EDARADD: variants seen among roughly 807,000 people sequenced by gnomAD.
EDARADD encodes ectodysplasin-A receptor-associated adapter protein.
EDARADD carries 20 observed loss-of-function variants against 25.6 expected under a neutral mutation model. The observed-to-expected ratio is 0.78, with a 90% CI of 0.55 to 1.14. The LOEUF (loss-of-function observed/expected upper bound fraction) is 1.14, where lower values mean the gene tolerates loss of function less well. EDARADD is among the 50% of genes most tolerant of loss of function. The pLI, the probability that EDARADD is intolerant of heterozygous loss-of-function variation, is 0.00. For synonymous variants in EDARADD, 86 were observed against 94.4 expected, an observed-to-expected ratio of 0.91 and a Z score of 0.52; for missense variants, 225 against 270.1, an observed-to-expected ratio of 0.83 and a Z score of 1.17.
chr1:236,368,440 CTT>C (rs59201705), intron 3 of EDARADD, among the ~76,000 whole-genome samples: 7 of 124,174 alleles, frequency 5.6e-5, no homozygotes, highest in Admixed American at 1.8e-4. Context: ...CCAGTCTTTT[CTT>C]TTTTTTTTTT....
In EDARADD at chr1:236,395,444, G is replaced by C. The variant is rs1667496973; in HGVS notation, c.61+939G>C. 1 of 1,473,508 alleles carries C rather than the reference G, an allele frequency of 6.8e-7. No homozygotes were observed. Among genetic ancestry groups the C allele is most frequent in the Non-Finnish European group, 9.0e-7 (1 of 1,114,534 alleles). 91.3% of individuals were successfully genotyped at this position (1,473,508 alleles called of 1,614,324 possible). A position where few individuals can be genotyped will look rare whatever the true frequency, so the allele number is the denominator to read the frequency against. On this transcript the variant is annotated intron_variant, in intron 1 of 5. Transcript: ENST00000334232. This position sits in a 1 kb window ranked among gnomAD's most constrained non-coding sequence, Gnocchi z 6.9. The stretch of plus-strand genomic sequence containing the variant: ...TGCCAAAGCAGGAAGTGAGCTCGTG[G>C]AAGAAGCGAAGGAGGAGAAGAAGAA...
At chr1:236,466,187 G>A (rs1659180793) in intron 4 of EDARADD, among the ~76,000 whole-genome samples, 1 of 152,300 alleles carries the variant, frequency 6.6e-6, no homozygotes, top group African/African-American at 2.4e-5. Flanking sequence ...CGGTGACTGT[G>A]TTGGTAAAAG....
intron 3 of EDARADD, among the ~76,000 whole-genome samples, chr1:236,370,506 C>G (rs1667162302): frequency 6.6e-6 from 1 of 152,158 alleles, no homozygotes; most frequent in South Asian, 2.1e-4. Context: ...TGTTATTACT[C>G]AAATCAGTCT....
intron 3 of EDARADD, among the ~76,000 whole-genome samples, chr1:236,377,814 TGC>T (rs1047345473): frequency 7.9e-5 from 12 of 151,620 alleles, no homozygotes; most frequent in African/African-American, 2.9e-4. Context: ...GCCAAGATCG[TGC>T]CACTGCACTC....
intron 3 of EDARADD, among the ~76,000 whole-genome samples, chr1:236,374,580 T>C (rs1463656602): frequency 1.3e-5 from 2 of 152,186 alleles, no homozygotes; most frequent in African/African-American, 4.8e-5. Flanking sequence ...TGCATTTTGA[T>C]GCTTTGTTGT....
At chr1:236,409,576 T>G (rs2103008204) in intron 2 of EDARADD, among the ~76,000 whole-genome samples, 1 of 152,212 alleles carries the variant, frequency 6.6e-6, no homozygotes, top group South Asian at 2.1e-4. Flanking sequence ...TTTTTATTTT[T>G]TTTTAGACGG....
Position 236,468,221 on chromosome 1 carries a change from T to C in EDARADD, c.220-10T>C. ...TATGATTTTAATGAAGGTTGCTTTT[T>C]GGTTTTTAGGGAGAAGAAAATGGCT... On this transcript the variant is annotated splice_polypyrimidine_tract_variant and intron_variant, in intron 4 of 5. Coordinates refer to ENST00000334232, the MANE Select transcript of EDARADD (RefSeq NM_145861.4). 1 of 1,613,698 alleles carries C rather than the reference T, an allele frequency of 6.2e-7. No individual in the cohort carries two copies. The highest frequency in any genetic ancestry group is 8.5e-7 in the Non-Finnish European group (1 of 1,179,564).
intron 1 of EDARADD, among the ~76,000 whole-genome samples, chr1:236,405,878 T>TTCC (rs1558112846): frequency 4.5e-3 from 133 of 29,810 alleles, no homozygotes; most frequent in Non-Finnish European, 5.4e-3. Flanking sequence ...TCCTTCCTTC[T>TTCC]TTCTTTCTTT....
chr1:236,447,233 C>CTTTCTTTCTTTTCTTTCTTTCTTT (rs59368020), intron 4 of EDARADD, among the ~76,000 whole-genome samples: 7 of 104,700 alleles, frequency 6.7e-5, no homozygotes, highest in African/African-American at 2.5e-4. Flanking sequence ...TCCTTTCTTT[C>CTTTCTTTCTTTTCTTTCTTTCTTT]CTTTCTTTCC....
intron 1 of EDARADD, among the ~76,000 whole-genome samples, chr1:236,407,719 G>T (rs1464130540): frequency 6.6e-6 from 1 of 152,114 alleles, no homozygotes; most frequent in Non-Finnish European, 1.5e-5. Context: ...AGGATCCCAC[G>T]CAAAAAGATT....
chr1:236,404,563 G>A (rs1299948882), intron 1 of EDARADD, among the ~76,000 whole-genome samples: 4 of 152,144 alleles, frequency 2.6e-5, no homozygotes, highest in Admixed American at 6.5e-5. Context: ...AGTCAGAACC[G>A]CAATCAGAAA....
At chr1:236,409,106 G>T in intron 1 of EDARADD, 110 bp from the exon 2 acceptor site, 2 of 574,956 alleles carry the variant, frequency 3.5e-6, no homozygotes, top group African/African-American at 2.0e-5. Context: ...GTTTTCTTCA[G>T]CCTAAGTAAA....
At chr1:236,411,517 T>C (rs1657480913) in intron 2 of EDARADD, among the ~76,000 whole-genome samples, 1 of 150,910 alleles carries the variant, frequency 6.6e-6, no homozygotes, top group Non-Finnish European at 1.5e-5. Flanking sequence ...CCTCTCCTTC[T>C]TCTTTCTTCT....
At chr1:236,428,492 G>T (rs36150994) in intron 4 of EDARADD, among the ~76,000 whole-genome samples, 67,904 of 151,492 alleles carry the variant, frequency 0.45, 17,514 homozygotes, top group Non-Finnish European at 0.59. Flanking sequence ...TGGGTACACC[G>T]CCCAGACGGG....
At chr1:236,415,790 TG>T (rs1380209893) in intron 3 of EDARADD, among the ~76,000 whole-genome samples, 3 of 151,602 alleles carry the variant, frequency 2.0e-5, no homozygotes, top group African/African-American at 7.3e-5. Context: ...GTTGTCACAG[TG>T]GGGCCTCTAC....
At chr1:236,443,043 GGCTTCCTAAGAAGAAGTTACCATATTA>G (rs1658443828) in intron 4 of EDARADD, among the ~76,000 whole-genome samples, 1 of 152,138 alleles carries the variant, frequency 6.6e-6, no homozygotes. Context: ...AGGAACTGAA[GGCTTCCTAAGAAGAAGTTACCATATTA>G]GCATGCCCAG....
At chr1:236,439,412 T>C (rs1658344679) in intron 4 of EDARADD, among the ~76,000 whole-genome samples, 1 of 152,234 alleles carries the variant, frequency 6.6e-6, no homozygotes. Context: ...TTTAGGTTTC[T>C]AAGATGCCGC....
At chr1:236,446,732 T>G (rs1658546587) in intron 4 of EDARADD, among the ~76,000 whole-genome samples, 1 of 152,222 alleles carries the variant, frequency 6.6e-6, no homozygotes, top group Non-Finnish European at 1.5e-5. Context: ...CACGTATATT[T>G]ATGCAAAATA....
chr1:236,395,738 G>T lies in EDARADD; in HGVS notation c.61+1233G>T, dbSNP rs1667504168. The T allele has an allele frequency of 7.3e-6, 11 of 1,512,128 alleles. No homozygotes were observed. Among genetic ancestry groups the T allele is most frequent in the South Asian group, 1.2e-5 (1 of 81,600 alleles). The allele number at this position is 1,512,128 out of a possible 1,614,324, so 93.7% of individuals were successfully genotyped here. ...AGCTCGGGAGGCGCTCGCAGCAGCC[G>T]CAGGGCTATCGAGGCCGGGCCTCGG... On this transcript the variant is annotated intron_variant, in intron 1 of 5. Transcript: ENST00000334232. This position sits in a 1 kb window ranked among gnomAD's most constrained non-coding sequence, Gnocchi z 6.9.
Sources: gnomAD v4.1 joint callset for allele counts (sites outside exome capture counted in the v4.1 genomes callset) on GRCh38, gnomAD v4.1.1 for gene constraint, Gnocchi (gnomAD v3.1) non-coding constraint, MANE v1.5 for transcripts, NCBI Gene and HGNC (gene_info 2026-07-23, HGNC 2026-07-21) for gene names.